SORCS3: variants seen among roughly 807,000 people sequenced by gnomAD.
The protein encoded by SORCS3 is VPS10 domain-containing receptor SorCS3.
Under a neutral mutation model 146.3 loss-of-function variants are expected in SORCS3, and 57 were observed. That is an observed-to-expected ratio of 0.39 (90% CI 0.31 to 0.49). The LOEUF is 0.49. Among genes scored for constraint, SORCS3 ranks in the 20% least tolerant of loss-of-function variants. SORCS3 has a pLI of 0.92. For synonymous variants in SORCS3, 653 were observed against 618.5 expected, an observed-to-expected ratio of 1.06 and a Z score of -0.83; for missense variants, 1,341 against 1,575.5, an observed-to-expected ratio of 0.85 and a Z score of 2.52.
chr10:104,924,619 G>C (rs2019120524), intron 3 of SORCS3, among the ~76,000 whole-genome samples: 1 of 152,192 alleles, frequency 6.6e-6, no homozygotes, highest in Non-Finnish European at 1.5e-5. Context: ...AGGAGCAAGA[G>C]GCTGGGTCCC....
At position 105,007,810 on chromosome 10, in the gene SORCS3, A is replaced by G. The variant is rs1384335368; in HGVS notation, c.954+30317A>G. Among the ~76,000 whole-genome samples the G allele has an allele frequency of 2.0e-5, 3 of 152,190 alleles. No homozygotes were observed. In the East Asian group the frequency reaches 5.8e-4, roughly 29 times the overall value. ...CTGGGCATAAAATGATGAGTAACCC[A>G]TGGCCTGGTCCTGCCTTCAAAGAGC... On this transcript the variant is annotated intron_variant, in intron 4 of 26. Transcript: ENST00000369701.
At chr10:104,943,073 G>T (rs551577019) in intron 3 of SORCS3, among the ~76,000 whole-genome samples, 7 of 152,296 alleles carry the variant, frequency 4.6e-5, no homozygotes, top group African/African-American at 1.7e-4. Context: ...AAGGTCACTG[G>T]ATATAATGTC....
intron 1 of SORCS3, among the ~76,000 whole-genome samples, chr10:104,838,289 GGTCCGA>G (rs2133543112): frequency 6.6e-6 from 1 of 152,064 alleles, no homozygotes; most frequent in East Asian, 1.9e-4. Context: ...ATCTCTTTCT[GGTCCGA>G]GTACTTGCCT....
intron 2 of SORCS3, among the ~76,000 whole-genome samples, chr10:104,855,909 A>T (rs983393497): frequency 2.6e-5 from 4 of 151,730 alleles, no homozygotes. Flanking sequence ...CTGATTTCTA[A>T]TTTTTTTGTA....
chr10:104,926,966 A>C (rs1222401291), intron 3 of SORCS3, among the ~76,000 whole-genome samples: 1 of 152,216 alleles, frequency 6.6e-6, no homozygotes, highest in Non-Finnish European at 1.5e-5. Context: ...TTAAAAATAA[A>C]GATAATAATG....
At chr10:105,038,201 A>G (rs1398356762) in intron 4 of SORCS3, among the ~76,000 whole-genome samples, 4 of 152,208 alleles carry the variant, frequency 2.6e-5, no homozygotes, top group African/African-American at 9.6e-5. Context: ...CAGGATATGG[A>G]AGAGAACATG....
At chr10:104,680,979 G>A (rs541056047) in intron 1 of SORCS3, among the ~76,000 whole-genome samples, 3 of 152,368 alleles carry the variant, frequency 2.0e-5, no homozygotes, top group South Asian at 2.1e-4. Context: ...AGGAGGGACA[G>A]GCGCCAGGGC....
At chr10:104,743,419 T>G (rs1435143725) in intron 1 of SORCS3, among the ~76,000 whole-genome samples, 1 of 152,186 alleles carries the variant, frequency 6.6e-6, no homozygotes, top group Non-Finnish European at 1.5e-5. Flanking sequence ...TAACTGATGT[T>G]GGGAATGCAA....
At chr10:104,698,397 T>C (rs1359282811) in intron 1 of SORCS3, among the ~76,000 whole-genome samples, 1 of 152,152 alleles carries the variant, frequency 6.6e-6, no homozygotes, top group Non-Finnish European at 1.5e-5. Context: ...TACACTTACA[T>C]ATAGCACACT....
At chr10:104,872,278 C>T (rs1179297941) in intron 2 of SORCS3, among the ~76,000 whole-genome samples, 2 of 152,128 alleles carry the variant, frequency 1.3e-5, no homozygotes, top group Admixed American at 6.5e-5. Context: ...CCAGCAGTGA[C>T]TCCCCTGTGA....
intron 3 of SORCS3, among the ~76,000 whole-genome samples, chr10:104,939,259 T>G (rs1345474937): frequency 6.6e-6 from 1 of 152,184 alleles, no homozygotes; most frequent in Non-Finnish European, 1.5e-5. Context: ...CTCCCTAGCA[T>G]GTATCTTCCT....
chr10:104,713,071 C>T (rs1046130806), intron 1 of SORCS3, among the ~76,000 whole-genome samples: 29 of 152,190 alleles, frequency 1.9e-4, no homozygotes, highest in Non-Finnish European at 2.5e-4. Flanking sequence ...ACCCCAAACA[C>T]GAAAATTTGC....
intron 2 of SORCS3, among the ~76,000 whole-genome samples, chr10:104,871,913 T>A (rs1000012238): frequency 3.9e-5 from 6 of 152,112 alleles, no homozygotes; most frequent in Non-Finnish European, 8.8e-5. Context: ...CCTTTGCGTC[T>A]TATTTCTGGT....
chr10:104,690,820 GACCCTGATAGCA>G (rs6144060), intron 1 of SORCS3, among the ~76,000 whole-genome samples: 69,068 of 151,890 alleles, frequency 0.45, 17,465 homozygotes, highest in Middle Eastern at 0.66. Context: ...GACCAGGCAA[GACCCTGATAGCA>G]ATAACTCAAT....
chr10:104,824,906 A>C (rs1036499245), intron 1 of SORCS3, among the ~76,000 whole-genome samples: 1 of 152,212 alleles, frequency 6.6e-6, no homozygotes, highest in Non-Finnish European at 1.5e-5. Flanking sequence ...CAGGATCAGC[A>C]GAGACAGCCC....
Position 105,256,717 on chromosome 10 carries a change from G to A in SORCS3, c.3338-102G>A, listed in dbSNP as rs1023798076. On this transcript the variant is annotated intron_variant, in intron 24 of 26. Coordinates refer to ENST00000369701, the MANE Select transcript of SORCS3 (RefSeq NM_014978.3). ...AGGGGAATTGGAGACTAGACATAAG[G>A]ATGGAGATCAGTGGCCTCCTTCCTG... The A allele has an allele frequency of 3.6e-6, 3 of 828,538 alleles. No individual in the cohort carries two copies. In the Admixed American group the frequency reaches 6.4e-5, roughly 18 times the overall value. 51.3% of individuals were successfully genotyped at this position (828,538 alleles called of 1,614,324 possible).
intron 1 of SORCS3, among the ~76,000 whole-genome samples, chr10:104,745,214 A>C (rs1398145118): frequency 6.6e-6 from 1 of 152,198 alleles, no homozygotes; most frequent in East Asian, 1.9e-4. Flanking sequence ...TGAGGCTATC[A>C]TCCTCAATTA....
Position 105,256,895 on chromosome 10 carries a change from G to A in SORCS3, c.3414G>A (p.Leu1138=). The part of the protein sequence containing the change: ...LMLLSVVFVG[L]AVFLIYKFKR... ...TATTATCAGTGGTATTTGTTGGCCT[G>A]GCTGTGTTTTTGATCTACAAGTTTA... Residue 1138 remains leucine (L), a synonymous_variant, in exon 25 of 27, where the codon CTG becomes CTA. Transcript: ENST00000369701. The A allele has an allele frequency of 6.2e-7, 1 of 1,614,146 alleles. No homozygotes were observed. The highest frequency in any genetic ancestry group is 8.5e-7 in the Non-Finnish European group (1 of 1,179,996).
At chr10:104,904,339 G>T (rs2018881508) in intron 2 of SORCS3, among the ~76,000 whole-genome samples, 1 of 152,196 alleles carries the variant, frequency 6.6e-6, no homozygotes, top group Non-Finnish European at 1.5e-5. Flanking sequence ...TAATAGAAGT[G>T]CAGACTGGCC....
Sources: allele counts gnomAD v4.1 joint callset (sites outside exome capture counted in the v4.1 genomes callset), GRCh38; gene constraint gnomAD v4.1.1; transcripts MANE v1.5; gene names NCBI Gene and HGNC (gene_info 2026-07-23, HGNC 2026-07-21).